The following ATP8B3 variants were observed in gnomAD, a reference collection of about 807,000 sequenced individuals.
ATP8B3 encodes phospholipid-transporting ATPase IK.
Under a neutral mutation model 140.9 loss-of-function variants are expected in ATP8B3, and 141 were observed. That is an observed-to-expected ratio of 1.00 (90% CI 0.87 to 1.15). The LOEUF (loss-of-function observed/expected upper bound fraction) is 1.15, where lower values mean the gene tolerates loss of function less well. ATP8B3 is among the 50% of genes most tolerant of loss of function. The pLI is 0.00. For missense variants in ATP8B3, 1,874 were observed against 1,740.6 expected (o/e 1.08, Z -1.36); for synonymous variants, 765 against 714.6 (o/e 1.07, Z -1.13).
Position 1,806,479 on chromosome 19 carries a change from C to G in ATP8B3, c.677+149G>C. On this transcript the variant is annotated intron_variant, in intron 7 of 28. Coordinates refer to ENST00000310127, the MANE Select transcript of ATP8B3 (RefSeq NM_138813.4). The surrounding 1 kb of genome is among the most constrained non-coding windows in gnomAD (Gnocchi z 5.6). The stretch of plus-strand genomic sequence containing the variant: ...CTCTGTCCTCGTCCCGGCCAAACGC[C>G]TAATGAATGCAGGCCCGGTTCCTGT... 6.8e-7 allele frequency: 1 copy of G among 1,474,940 alleles called. No individual in the cohort carries two copies. 91.4% of individuals were successfully genotyped at this position (1,474,940 alleles called of 1,614,324 possible).
rs1273384007 is a variant in ATP8B3 at position 1,806,617 on chromosome 19, C to A, written c.677+11G>T. 1 of 1,554,878 alleles carries A rather than the reference C, an allele frequency of 6.4e-7. No homozygotes were observed. Among genetic ancestry groups the A allele is most frequent in the Non-Finnish European group, 8.7e-7 (1 of 1,149,352 alleles). On this transcript the variant is annotated intron_variant, in intron 7 of 28. Coordinates refer to ENST00000310127, the MANE Select transcript of ATP8B3 (RefSeq NM_138813.4). This position sits in a 1 kb window ranked among gnomAD's most constrained non-coding sequence, Gnocchi z 5.6. ...GTCCCCGCGGATCCCCAGCTGCAGC[C>A]CCAGCCTCACCTCTTCCCCATCAGA...
intron 12 of ATP8B3, among the ~76,000 whole-genome samples, chr19:1,801,340 G>A (rs973237511): frequency 2.0e-5 from 3 of 152,014 alleles, no homozygotes; most frequent in South Asian, 2.1e-4. Context: ...CTGTAGAGAC[G>A]GGGTTTCACC....
rs200643613 is a variant in ATP8B3, at chr19:1,796,816, G to T, written c.1648C>A (p.Leu550Met). 6.2e-7 allele frequency: 1 copy of T among 1,612,594 alleles called. No individual in the cohort carries two copies. The highest frequency in any genetic ancestry group is 1.3e-5 in the African/African-American group (1 of 75,048). The change falls in exon 16 of 29, where the codon CTG (leucine) becomes ATG (methionine). Residue 550 changes from leucine to methionine, a missense_variant. This residue lies in a region of ATP8B3 where 1,032 missense variants were observed against 963.6 expected (regional missense o/e 1.07). Transcript: ENST00000310127. The stretch of plus-strand genomic sequence containing the variant: ...TCCCCGTTGGTCCGCACGAGGTGCA[G>T]CAGGGCCGCATTGTGGAAGAGCAGC... Reference protein sequence around the residue: ...GKLLFHNAALLHLVRTNGDEA... With the variant: ...GKLLFHNAALMHLVRTNGDEA...
intron 20 of ATP8B3, among the ~76,000 whole-genome samples, chr19:1,791,236 G>A (rs1399087819): frequency 6.6e-6 from 1 of 150,708 alleles, no homozygotes; most frequent in Non-Finnish European, 1.5e-5. Flanking sequence ...TTTTTGACAA[G>A]GGCTCACTCT....
At chr19:1,798,190 C>T (rs1336008748) in intron 14 of ATP8B3, among the ~76,000 whole-genome samples, 3 of 151,862 alleles carry the variant, frequency 2.0e-5, no homozygotes, top group African/African-American at 7.3e-5. Context: ...AGGCTGCTCT[C>T]GAACTCCTGA....
intron 4 of ATP8B3, 67 bp downstream of exon 4, chr19:1,809,576 A>T: frequency 7.0e-7 from 1 of 1,432,314 alleles, no homozygotes; most frequent in Non-Finnish European, 9.6e-7. Flanking sequence ...GAGGAGCAAA[A>T]AATAGATTCC....
chr19:1,802,641 T>C lies in ATP8B3; in HGVS notation c.909A>G (p.Thr303=). ...GACTGTTAGGCGCCTCACACGTCAC[T>C]GTGCCTGTGGGTGGCCAGGTGGTCA... ...TIKKMASFQG[T]VTCEAPNSRM... is the part of the protein sequence containing the mutation. Residue 303 remains threonine, a synonymous_variant, in exon 11 of 29, where the codon ACA becomes ACG. Coordinates refer to ENST00000310127, the MANE Select transcript of ATP8B3 (RefSeq NM_138813.4). The C allele has an allele frequency of 6.2e-7, 1 of 1,609,160 alleles. No individual in the cohort carries two copies. The highest frequency in any genetic ancestry group is 8.5e-7 in the Non-Finnish European group (1 of 1,178,426).
rs763914274 is a variant in ATP8B3 at position 1,784,831 on chromosome 19, C to G, written c.3648G>C (p.Glu1216Asp). 6.2e-7 allele frequency: 1 copy of G among 1,605,442 alleles called. No individual in the cohort carries two copies. The highest frequency in any genetic ancestry group is 2.2e-5 in the East Asian group (1 of 44,650). ...AGGCCCACCTCACCTTGGCACGTAG[C>G]TCCTTGAGGGCTGGGAAGATGACTC... ...ALRVIFPALK[E>D]LRAKEEKVEE... Residue 1216 changes from glutamate to aspartate, a missense_variant, in exon 28 of 29, where the codon GAG (glutamate) becomes GAC (aspartate). Transcript: ENST00000310127.
At chr19:1,799,805 C>A in intron 14 of ATP8B3, 142 bp downstream of exon 14, 2 of 881,690 alleles carry the variant, frequency 2.3e-6, no homozygotes, top group Non-Finnish European at 3.5e-6. Context: ...CCAAAGGAAA[C>A]CAGGCCATCT....
chr19:1,796,003 C>G lies in ATP8B3; in HGVS notation c.1943-16G>C, dbSNP rs751981443. 18 of 1,612,764 alleles carry G rather than the reference C, an allele frequency of 1.1e-5. No individual in the cohort carries two copies. Among genetic ancestry groups the G allele is most frequent in the Non-Finnish European group, 1.4e-5 (17 of 1,179,730 alleles). Reference sequence around the variant, plus strand: ...GGCTTTCGAACTGTGGGGGAACAGGCCCTGCTGCCCACAGAGGCTCCCCGT... The same window carrying G: ...GGCTTTCGAACTGTGGGGGAACAGGGCCTGCTGCCCACAGAGGCTCCCCGT... On this transcript the variant is annotated splice_polypyrimidine_tract_variant and intron_variant, in intron 17 of 28. Transcript: ENST00000310127.
Position 1,785,558 on chromosome 19 carries a change from G to A in ATP8B3, c.3304C>T (p.Arg1102Cys), listed in dbSNP as rs375897128. ...AAGCTGGCGGGTCCCGCCGTGTCGC[G>A]GCTGATCCACAGTGTCATGAAGAAG... ...VNFFMTLWIS[R>C]DTAGPASFSD... Residue 1102 changes from arginine to cysteine, a missense_variant, in exon 26 of 29, where the codon CGC (arginine) becomes TGC (cysteine). Physicochemically the swap from Arg to Cys is radical, Grantham distance 180. This residue lies in a region of ATP8B3 where 840 missense variants were observed against 760.9 expected (regional missense o/e 1.10). Transcript: ENST00000310127. 1.2e-5 allele frequency: 20 copies of A among 1,612,906 alleles called. No homozygotes were observed. The highest frequency in any genetic ancestry group is 5.3e-5 in the African/African-American group (4 of 74,948).
rs2068246857 is a variant in ATP8B3, at chr19:1,784,698, C to G, written c.3660+121G>C. 6.8e-6 allele frequency: 9 copies of G among 1,317,626 alleles called. No individual in the cohort carries two copies. In the South Asian group the frequency reaches 9.4e-5, roughly 14 times the overall value. The allele number at this position is 1,317,626 out of a possible 1,614,324, so 81.6% of individuals were successfully genotyped here. On this transcript the variant is annotated intron_variant, in intron 28 of 28. Transcript: ENST00000310127. ...GCTCCGCACCCACCCTTCCCCCAAG[C>G]CTAGTGTCTTGGAGGGCCGAGAGGG...
chr19:1,789,172 GCC>G, intron 23 of ATP8B3, 52 bp from the exon 24 acceptor site: 1 of 1,204,958 alleles, frequency 8.3e-7, no homozygotes, highest in Non-Finnish European at 1.1e-6. Context: ...AGTCCCGCCC[GCC>G]CCCCCAGACC....
chr19:1,783,666 A>G (rs2068222735), intron 28 of ATP8B3, among the ~76,000 whole-genome samples: 1 of 152,168 alleles, frequency 6.6e-6, no homozygotes, highest in Non-Finnish European at 1.5e-5. Context: ...CAAATCCAGG[A>G]GAGGTGAGCC....
chr19:1,791,721 T>G, intron 20 of ATP8B3, 29 bp downstream of exon 20: 3 of 1,561,046 alleles, frequency 1.9e-6, no homozygotes, highest in Non-Finnish European at 2.6e-6. Context: ...CTGCAGGGGC[T>G]TAGCCACCCG....
rs2068612927 is a variant in ATP8B3 at position 1,794,634 on chromosome 19, T to C, written c.2055+1241A>G. 6.6e-6 allele frequency among the ~76,000 whole-genome samples: 1 copy of C among 152,026 alleles called. No homozygotes were observed. On this transcript the variant is annotated intron_variant, in intron 18 of 28. Transcript: ENST00000310127. This position sits in a 1 kb window ranked among gnomAD's most constrained non-coding sequence, Gnocchi z 4.8. Reference sequence around the variant, plus strand: ...AAAGGCCCCATGTGTGGGGAGCTTGTGGCTGAGTCATGAGGACACCGAAAG... The same window carrying C: ...AAAGGCCCCATGTGTGGGGAGCTTGCGGCTGAGTCATGAGGACACCGAAAG...
At chr19:1,795,593 G>GCT (rs968518746) in intron 18 of ATP8B3, among the ~76,000 whole-genome samples, 32 of 151,826 alleles carry the variant, frequency 2.1e-4, no homozygotes, top group African/African-American at 7.0e-4. Context: ...AGAAAAAGAC[G>GCT]CTCTCTCTCT....
At chr19:1,787,307 T>G in intron 24 of ATP8B3, 121 bp from the exon 25 acceptor site, 5 of 701,176 alleles carry the variant, frequency 7.1e-6, no homozygotes, top group East Asian at 3.1e-5. Flanking sequence ...CACTCAAGGT[T>G]GGGGCTGGGA....
Position 1,811,475 on chromosome 19 carries a change from G to A in ATP8B3, c.248+14C>T. Reference sequence around the variant, plus strand: ...TGCCCCTGTGTTCCGGCCACCCGATGCACCCGTCCTCACCCTTCTGGTCTC... The same window carrying A: ...TGCCCCTGTGTTCCGGCCACCCGATACACCCGTCCTCACCCTTCTGGTCTC... On this transcript the variant is annotated intron_variant, in intron 2 of 28. Transcript: ENST00000310127. 6.2e-7 allele frequency: 1 copy of A among 1,607,184 alleles called. No homozygotes were observed. Among genetic ancestry groups the A allele is most frequent in the Non-Finnish European group, 8.5e-7 (1 of 1,177,186 alleles).
Sources: allele counts gnomAD v4.1 joint callset (sites outside exome capture counted in the v4.1 genomes callset), GRCh38; gene constraint gnomAD v4.1.1; regional missense constraint gnomAD v4.1.1; non-coding constraint Gnocchi (gnomAD v3.1); transcripts MANE v1.5; gene names NCBI Gene and HGNC (gene_info 2026-07-23, HGNC 2026-07-21).